GNAO1: variants seen among roughly 807,000 people sequenced by gnomAD.
The protein encoded by GNAO1 is G protein subunit alpha o1.
For synonymous variants in GNAO1, 164 were observed against 180.7 expected (o/e 0.91, Z 0.74); for missense variants, 166 against 478.7 (o/e 0.35, Z 6.10).
chr16:56,294,341 T>TAA (rs377121608), intron 3 of GNAO1, among the ~76,000 whole-genome samples: 3,834 of 133,564 alleles, frequency 0.029, 147 homozygotes, highest in African/African-American at 0.09. Flanking sequence ...GGCTTTGCTT[T>TAA]AAAAAAAAAA....
intron 8 of GNAO1, chr16:56,355,503 C>T (rs1359893713): frequency 6.6e-6 from 1 of 152,404 alleles, no homozygotes; most frequent in Non-Finnish European, 1.5e-5. Context: ...CTGTGTTGCG[C>T]CCTTAGAGCC....
At chr16:56,334,584 A>G (rs117913269) in intron 4 of GNAO1, 145 bp from the exon 5 acceptor site, 53 of 823,944 alleles carry the variant, frequency 6.4e-5, no homozygotes, top group South Asian at 6.3e-4. Flanking sequence ...CCCACTCCCT[A>G]TGGCCTGGAA....
At chr16:56,273,466 TATTA>T (rs1280815148) in intron 2 of GNAO1, among the ~76,000 whole-genome samples, 1 of 152,252 alleles carries the variant, frequency 6.6e-6, no homozygotes, top group Non-Finnish European at 1.5e-5. Context: ...TTAAAATTCT[TATTA>T]ATTCCATGAT....
chr16:56,292,915 A>C (rs2037246212), intron 3 of GNAO1, among the ~76,000 whole-genome samples: 1 of 152,220 alleles, frequency 6.6e-6, no homozygotes, highest in African/African-American at 2.4e-5. Flanking sequence ...CAGGGCCTCA[A>C]CATAGTGAAC....
chr16:56,257,702 T>C (rs1184555775), intron 2 of GNAO1, among the ~76,000 whole-genome samples: 3 of 152,244 alleles, frequency 2.0e-5, no homozygotes, highest in South Asian at 2.1e-4. Flanking sequence ...AAAAAAATCT[T>C]CCATTAGTTT....
intron 2 of GNAO1, among the ~76,000 whole-genome samples, chr16:56,204,769 C>G (rs115179396): frequency 3.0e-4 from 46 of 152,222 alleles, no homozygotes; most frequent in African/African-American, 1.1e-3. Context: ...AGAAATAGGT[C>G]TGGACTGGGA....
At chr16:56,308,744 G>A (rs953156646) in intron 3 of GNAO1, among the ~76,000 whole-genome samples, 3 of 152,140 alleles carry the variant, frequency 2.0e-5, no homozygotes, top group South Asian at 2.1e-4. Context: ...CGGCACCCAC[G>A]GGGCTGGGCG....
chr16:56,279,373 G>A (rs1029648740), intron 3 of GNAO1, among the ~76,000 whole-genome samples: 6 of 152,132 alleles, frequency 3.9e-5, no homozygotes, highest in East Asian at 3.9e-4. Flanking sequence ...AAGAGCCTCC[G>A]TGCAGAGCAA....
At chr16:56,230,284 G>A (rs1282725540) in intron 2 of GNAO1, among the ~76,000 whole-genome samples, 1 of 152,170 alleles carries the variant, frequency 6.6e-6, no homozygotes, top group Admixed American at 6.5e-5. Flanking sequence ...CCCTCAGTGG[G>A]ATCTTGTGCC....
At chr16:56,290,536 G>A (rs111935521) in intron 3 of GNAO1, among the ~76,000 whole-genome samples, 8 of 152,356 alleles carry the variant, frequency 5.3e-5, no homozygotes, top group Admixed American at 2.6e-4. Flanking sequence ...GACCCAGAAT[G>A]AGTTTGGAAC....
At chr16:56,312,825 G>A (rs2037473616) in intron 3 of GNAO1, among the ~76,000 whole-genome samples, 1 of 152,216 alleles carries the variant, frequency 6.6e-6, no homozygotes, top group Non-Finnish European at 1.5e-5. Flanking sequence ...AGTGGGACAA[G>A]GCTCACACAT....
chr16:56,235,260 C>T (rs2036626904), intron 2 of GNAO1: 2 of 452,930 alleles, frequency 4.4e-6, no homozygotes, highest in African/African-American at 2.0e-5. Flanking sequence ...GTGGCTCAAT[C>T]CACTCAGATC....
chr16:56,280,230 A>G (rs879629210), intron 3 of GNAO1, among the ~76,000 whole-genome samples: 1 of 152,228 alleles, frequency 6.6e-6, no homozygotes, highest in Non-Finnish European at 1.5e-5. Flanking sequence ...AGAGCTGCTT[A>G]GTGGGAGTGA....
intron 3 of GNAO1, among the ~76,000 whole-genome samples, chr16:56,325,895 C>T (rs1365881765): frequency 1.3e-5 from 2 of 152,224 alleles, no homozygotes; most frequent in African/African-American, 4.8e-5. Flanking sequence ...ACGCTTGTCT[C>T]AGTGATACTA....
intron 2 of GNAO1, among the ~76,000 whole-genome samples, chr16:56,252,969 A>G (rs1421448479): frequency 6.6e-6 from 1 of 152,366 alleles, no homozygotes; most frequent in South Asian, 2.1e-4. Context: ...CTGAGGCTGC[A>G]ATGGAACTTT....
chr16:56,264,411 G>A (rs1057032726), intron 2 of GNAO1, among the ~76,000 whole-genome samples: 1 of 152,208 alleles, frequency 6.6e-6, no homozygotes, highest in African/African-American at 2.4e-5. Context: ...TGAGGGAAAG[G>A]GCAGGGTTCA....
In GNAO1 at chr16:56,355,070, G is replaced by A. The variant is rs747705178; in HGVS notation, c.*17G>A. 3.8e-6 allele frequency: 6 copies of A among 1,571,392 alleles called. No individual in the cohort carries two copies. The South Asian group carries it at 6.7e-5, about 18-fold the overall frequency. On this transcript the variant is annotated 3_prime_UTR_variant, in exon 8 of 9. Coordinates refer to ENST00000262493, the MANE Select transcript of GNAO1 (RefSeq NM_020988.3). The stretch of plus-strand genomic sequence containing the variant: ...TTGTACTGACCTCTTGTCCTGTATA[G>A]CAACCTATTTGGTAATGATTCCAGC...
chr16:56,294,865 A>G (rs2037267820), intron 3 of GNAO1, among the ~76,000 whole-genome samples: 1 of 151,718 alleles, frequency 6.6e-6, no homozygotes. Context: ...GTGACTAATA[A>G]TATTTGGCAC....
chr16:56,204,226 CAG>C (rs2036305603), intron 2 of GNAO1, among the ~76,000 whole-genome samples: 1 of 152,130 alleles, frequency 6.6e-6, no homozygotes, highest in East Asian at 1.9e-4. Context: ...GAAGAGATAG[CAG>C]AGAGGATATG....
Sources: allele counts gnomAD v4.1 joint callset (sites outside exome capture counted in the v4.1 genomes callset), GRCh38; gene constraint gnomAD v4.1.1; transcripts MANE v1.5; gene names NCBI Gene and HGNC (gene_info 2026-07-23, HGNC 2026-07-21).